GPC5: variants seen among roughly 807,000 people sequenced by gnomAD.
The protein encoded by GPC5 is glypican-5.
A neutral mutation model predicts 53.9 loss-of-function variants in GPC5; 47 were observed. That is an observed-to-expected ratio of 0.87 (90% CI 0.69 to 1.11). The LOEUF is 1.11. Among genes scored for constraint, GPC5 ranks in the 50% most tolerant of loss-of-function variants. GPC5 has a pLI of 0.00. For missense variants in GPC5, 748 were observed against 713.1 expected, an observed-to-expected ratio of 1.05 and a Z score of -0.56; for synonymous variants, 286 against 263.3, an observed-to-expected ratio of 1.09 and a Z score of -0.84.
intron 2 of GPC5, among the ~76,000 whole-genome samples, chr13:91,567,924 T>C (rs1312351771): frequency 6.6e-6 from 1 of 152,140 alleles, no homozygotes; most frequent in Non-Finnish European, 1.5e-5. Context: ...GGGAGTGAGC[T>C]GATAGGATAA....
intron 5 of GPC5, among the ~76,000 whole-genome samples, chr13:91,813,836 C>A (rs1337877870): frequency 2.0e-5 from 3 of 151,030 alleles, no homozygotes; most frequent in Non-Finnish European, 2.9e-5. Flanking sequence ...ATTTAAAATA[C>A]CTTCTCTCAC....
At chr13:91,701,218 T>TA (rs1402794291) in intron 3 of GPC5, among the ~76,000 whole-genome samples, 4 of 152,186 alleles carry the variant, frequency 2.6e-5, no homozygotes, top group African/African-American at 9.6e-5. Context: ...TGAGAATGTT[T>TA]AAAATCTACT....
chr13:91,537,192 ATT>A (rs1649715379), intron 2 of GPC5, among the ~76,000 whole-genome samples: 1 of 152,140 alleles, frequency 6.6e-6, no homozygotes, highest in Non-Finnish European at 1.5e-5. Context: ...GTAATAAATG[ATT>A]TTAAAGGAAA....
intron 7 of GPC5, among the ~76,000 whole-genome samples, chr13:92,195,009 G>A (rs2042247369): frequency 1.3e-5 from 2 of 152,198 alleles, no homozygotes; most frequent in Non-Finnish European, 2.9e-5. Flanking sequence ...CTCTGCTGTA[G>A]ATTTGTGGAG....
chr13:92,126,467 A>G (rs1284927521), intron 6 of GPC5, among the ~76,000 whole-genome samples: 2 of 152,218 alleles, frequency 1.3e-5, no homozygotes, highest in African/African-American at 4.8e-5. Context: ...ATTTTTAAGT[A>G]ATAAGTAATG....
At chr13:91,679,294 G>A (rs758084725) in intron 2 of GPC5, among the ~76,000 whole-genome samples, 2 of 152,094 alleles carry the variant, frequency 1.3e-5, no homozygotes, top group African/African-American at 2.4e-5. Flanking sequence ...CTGGACGTGG[G>A]CAATAAAAGT....
intron 7 of GPC5, among the ~76,000 whole-genome samples, chr13:92,737,763 T>TTCC (rs1888977670): frequency 1.7e-5 from 1 of 60,480 alleles, no homozygotes; most frequent in Admixed American, 3.0e-4. Context: ...TTTTTTTCTT[T>TTCC]TTCTTTTTTT....
chr13:92,137,650 C>T (rs1324998932), intron 6 of GPC5, among the ~76,000 whole-genome samples: 2 of 152,160 alleles, frequency 1.3e-5, no homozygotes, highest in African/African-American at 4.8e-5. Flanking sequence ...TTGTTTGAGA[C>T]AGTTTCACTC....
chr13:92,685,544 ATTT>A lies in GPC5; in HGVS notation c.1562-180726_1562-180724del, dbSNP rs61560973. Among the ~76,000 whole-genome samples the A allele has an allele frequency of 8.6e-4, 91 of 105,598 alleles. 1 individual carries two copies. Among genetic ancestry groups the A allele is most frequent in the South Asian group, 8.0e-3 (25 of 3,120 alleles). The allele number at this position is 105,598 out of a possible 152,430, so 69.3% of individuals were successfully genotyped here. ...AAGTTATTTATGAAAAATTATGCTC[ATTT>A]TTTTTTTTTTTAATTTTTTTTTTTT... On this transcript the variant is annotated intron_variant, in intron 7 of 7. Coordinates refer to ENST00000377067, the MANE Select transcript of GPC5 (RefSeq NM_004466.6).
intron 6 of GPC5, among the ~76,000 whole-genome samples, chr13:91,962,024 T>C (rs1461807064): frequency 1.3e-5 from 2 of 152,170 alleles, no homozygotes; most frequent in Non-Finnish European, 2.9e-5. Flanking sequence ...AACTGATTCA[T>C]AAAAGAGATT....
At chr13:91,567,879 T>A (rs1222290725) in intron 2 of GPC5, among the ~76,000 whole-genome samples, 1 of 152,200 alleles carries the variant, frequency 6.6e-6, no homozygotes, top group African/African-American at 2.4e-5. Flanking sequence ...AATCCCCGCA[T>A]GTGGCGGAAC....
intron 7 of GPC5, among the ~76,000 whole-genome samples, chr13:92,578,655 G>A (rs1352852150): frequency 6.6e-6 from 1 of 152,168 alleles, no homozygotes; most frequent in Non-Finnish European, 1.5e-5. Context: ...GTTCTATCTA[G>A]TTCCTACATG....
chr13:91,545,259 A>G (rs969298033), intron 2 of GPC5, among the ~76,000 whole-genome samples: 16 of 152,226 alleles, frequency 1.1e-4, no homozygotes, highest in Admixed American at 5.2e-4. Context: ...TCATGTCTGT[A>G]AATCTTTATT....
intron 7 of GPC5, among the ~76,000 whole-genome samples, chr13:92,851,334 C>A (rs1440770836): frequency 6.6e-6 from 1 of 151,538 alleles, no homozygotes; most frequent in Admixed American, 6.6e-5. Flanking sequence ...TGGTCCCAGC[C>A]TACTTCTCCC....
chr13:92,784,278 A>C (rs2138765716), intron 7 of GPC5, among the ~76,000 whole-genome samples: 1 of 152,272 alleles, frequency 6.6e-6, no homozygotes, highest in South Asian at 2.1e-4. Context: ...CAACTCTATG[A>C]TAATTATAAT....
chr13:91,494,732 T>C (rs923234476), intron 2 of GPC5, among the ~76,000 whole-genome samples: 3 of 152,198 alleles, frequency 2.0e-5, no homozygotes, highest in Non-Finnish European at 4.4e-5. Context: ...GAAATTTGTT[T>C]CTTCAGTTGA....
At chr13:92,351,639 T>C (rs2043478587) in intron 7 of GPC5, among the ~76,000 whole-genome samples, 1 of 152,106 alleles carries the variant, frequency 6.6e-6, no homozygotes, top group Non-Finnish European at 1.5e-5. Context: ...ATACAAGTGT[T>C]TAACAAGGTT....
At chr13:92,142,575 G>T (rs4771851) in intron 6 of GPC5, among the ~76,000 whole-genome samples, 19,690 of 152,124 alleles carry the variant, frequency 0.13, 1,531 homozygotes, top group Admixed American at 0.18. Flanking sequence ...ACAAATAAAT[G>T]AATAATTCTG....
chr13:92,520,121 A>G (rs1880976816), intron 7 of GPC5, among the ~76,000 whole-genome samples: 1 of 152,178 alleles, frequency 6.6e-6, no homozygotes, highest in Non-Finnish European at 1.5e-5. Context: ...AGGCTCTGAA[A>G]TTGAGGCAAT....
Sources: allele counts gnomAD v4.1 joint callset (sites outside exome capture counted in the v4.1 genomes callset), GRCh38; gene constraint gnomAD v4.1.1; transcripts MANE v1.5; gene names NCBI Gene and HGNC (gene_info 2026-07-23, HGNC 2026-07-21).